ANO4: variants seen among roughly 807,000 people sequenced by gnomAD.
The protein encoded by ANO4 is anoctamin 4.
A neutral mutation model predicts 141.9 loss-of-function variants in ANO4; 69 were observed. The observed-to-expected ratio is 0.49, with a 90% confidence interval of 0.40 to 0.59. The LOEUF (loss-of-function observed/expected upper bound fraction) is 0.59. Ranked by LOEUF, ANO4 falls within the 20% of genes least tolerant of loss-of-function variation. The pLI, the probability that ANO4 is intolerant of heterozygous loss-of-function variation, is 0.00. For missense variants in ANO4, 894 were observed against 1,162.2 expected, an observed-to-expected ratio of 0.77 and a Z score of 3.36; for synonymous variants, 350 against 394.3, an observed-to-expected ratio of 0.89 and a Z score of 1.33.
intron 1 of ANO4, among the ~76,000 whole-genome samples, chr12:100,851,798 G>T (rs558018473): frequency 2.0e-5 from 3 of 152,174 alleles, no homozygotes; most frequent in East Asian, 1.9e-4. Context: ...AGAGACCTGT[G>T]GGGGGAGGGG....
chr12:100,785,810 A>G (rs2033857302), intron 3 of ANO4, among the ~76,000 whole-genome samples: 1 of 152,166 alleles, frequency 6.6e-6, no homozygotes, highest in Admixed American at 6.5e-5. Context: ...TTAGTTTTGT[A>G]AGAAACTGCT....
chr12:101,034,880 A>G (rs2047132438), intron 9 of ANO4, among the ~76,000 whole-genome samples: 1 of 152,226 alleles, frequency 6.6e-6, no homozygotes, highest in Non-Finnish European at 1.5e-5. Context: ...CACCCATGAG[A>G]GTGGCTAAAA....
chr12:101,009,064 A>C (rs2136437465), intron 8 of ANO4, among the ~76,000 whole-genome samples: 1 of 152,278 alleles, frequency 6.6e-6, no homozygotes, highest in South Asian at 2.1e-4. Flanking sequence ...TTATGGGTCA[A>C]ATTGTGACCT....
At chr12:101,022,184 G>T (rs1705382493) in intron 9 of ANO4, among the ~76,000 whole-genome samples, 1 of 152,198 alleles carries the variant, frequency 6.6e-6, no homozygotes, top group Admixed American at 6.5e-5. Flanking sequence ...TGGGGGTATG[G>T]TGAAGTCAAA....
At chr12:100,940,002 T>C (rs1221924076) in intron 4 of ANO4, among the ~76,000 whole-genome samples, 1 of 152,210 alleles carries the variant, frequency 6.6e-6, no homozygotes, top group African/African-American at 2.4e-5. Context: ...CCTTTGTACA[T>C]GTACTGGGTA....
At chr12:100,747,248 A>T (rs902409594) in intron 3 of ANO4, among the ~76,000 whole-genome samples, 1 of 152,126 alleles carries the variant, frequency 6.6e-6, no homozygotes, top group Admixed American at 6.6e-5. Context: ...ATGGGTTTTA[A>T]TGCATTTGAT....
At chr12:100,886,680 T>A (rs2039847417) in intron 1 of ANO4, among the ~76,000 whole-genome samples, 1 of 152,154 alleles carries the variant, frequency 6.6e-6, no homozygotes, top group Non-Finnish European at 1.5e-5. Flanking sequence ...TTTTATAAGT[T>A]TTATTAGAAC....
In ANO4 at chr12:100,839,068, A is replaced by AT. The variant is rs138953518; in HGVS notation, c.-141+44051dup. On this transcript the variant is annotated intron_variant, in intron 1 of 27. Coordinates refer to ENST00000392977, the MANE Select transcript of ANO4 (RefSeq NM_001286615.2). ...TATTTTCATTATTAGTTAGAAAACT[A>AT]TTTTTTTTTTCTGAATTGATTCTCC... 4.8e-3 allele frequency among the ~76,000 whole-genome samples: 713 copies of AT among 149,868 alleles called. 26 individuals carry two copies. The East Asian group carries it at 0.098, about 21-fold the overall frequency.
At chr12:100,791,358 C>T (rs113000564), upstream of ANO4, among the ~76,000 whole-genome samples, 40 of 152,062 alleles carry the variant, frequency 2.6e-4, 1 homozygote, top group African/African-American at 8.4e-4. Flanking sequence ...TGCAGTGAGC[C>T]GAGATCGCAC....
chr12:100,931,929 G>T (rs1466677902), intron 3 of ANO4, among the ~76,000 whole-genome samples: 1 of 151,734 alleles, frequency 6.6e-6, no homozygotes, highest in Non-Finnish European at 1.5e-5. Context: ...AAACAATCTG[G>T]TAAGTGTTAA....
chr12:100,820,208 C>CCT (rs772204008), intron 1 of ANO4, among the ~76,000 whole-genome samples: 2 of 151,888 alleles, frequency 1.3e-5, no homozygotes, highest in Non-Finnish European at 2.9e-5. Flanking sequence ...CTGACCTCAG[C>CCT]CTACCACATT....
chr12:101,073,380 C>G (rs1248789014), intron 14 of ANO4, among the ~76,000 whole-genome samples: 1 of 151,980 alleles, frequency 6.6e-6, no homozygotes, highest in East Asian at 1.9e-4. Context: ...AGTGAGAACA[C>G]TTGGACACAG....
chr12:100,834,437 T>C (rs1014011805), intron 1 of ANO4, among the ~76,000 whole-genome samples: 42 of 152,104 alleles, frequency 2.8e-4, no homozygotes, highest in Admixed American at 1.3e-3. Flanking sequence ...CCCTACCATT[T>C]TTACCCTTCA....
intron 1 of ANO4, among the ~76,000 whole-genome samples, chr12:100,828,820 C>T (rs555918279): frequency 6.6e-6 from 1 of 152,116 alleles, no homozygotes; most frequent in East Asian, 1.9e-4. Flanking sequence ...GAGTTTGAGA[C>T]CAGCCTGGCC....
chr12:101,067,828 A>T (rs2048653708), intron 14 of ANO4, among the ~76,000 whole-genome samples: 1 of 152,228 alleles, frequency 6.6e-6, no homozygotes. Context: ...TCCAAATGAC[A>T]ATTTCTTAAT....
At chr12:100,849,012 A>G (rs1348061286) in intron 1 of ANO4, among the ~76,000 whole-genome samples, 1 of 152,208 alleles carries the variant, frequency 6.6e-6, no homozygotes, top group Non-Finnish European at 1.5e-5. Context: ...TTTAAATAAG[A>G]CCTGCATCTT....
chr12:100,767,269 T>A (rs1201899412), intron 3 of ANO4, among the ~76,000 whole-genome samples: 1 of 152,240 alleles, frequency 6.6e-6, no homozygotes, highest in Non-Finnish European at 1.5e-5. Context: ...TTTTGTAGTT[T>A]CTTTGTTCCA....
Position 100,826,401 on chromosome 12 carries a change from A to G in ANO4, c.-141+31374A>G, listed in dbSNP as rs373842870. ...GGATGCAGCTAACAAAATGTCTACA[A>G]AAAGCCCAGTGGTATCCATTAATAT... On this transcript the variant is annotated intron_variant, in intron 1 of 27. Coordinates refer to ENST00000392977, the MANE Select transcript of ANO4 (RefSeq NM_001286615.2). Among the ~76,000 whole-genome samples the G allele has an allele frequency of 1.9e-4, 29 of 152,222 alleles. No homozygotes were observed. In the South Asian group the frequency reaches 2.1e-3, roughly 11 times the overall value.
At chr12:100,747,356 C>T (rs1197154967) in intron 3 of ANO4, among the ~76,000 whole-genome samples, 2 of 152,126 alleles carry the variant, frequency 1.3e-5, no homozygotes, top group Admixed American at 1.3e-4. Flanking sequence ...CTTAAGACTA[C>T]AGGTAACACC....
Sources: allele counts gnomAD v4.1 joint callset (sites outside exome capture counted in the v4.1 genomes callset), GRCh38; gene constraint gnomAD v4.1.1; transcripts MANE v1.5; gene names NCBI Gene and HGNC (gene_info 2026-07-23, HGNC 2026-07-21).